Variants in CRYBA4 observed in about 807,000 individuals in gnomAD.
The protein encoded by CRYBA4 is beta-crystallin A4.
A neutral mutation model predicts 31.7 loss-of-function variants in CRYBA4; 30 were observed. The observed-to-expected ratio is 0.95, with a 90% CI of 0.71 to 1.28. CRYBA4 has a LOEUF of 1.28. Among genes scored for constraint, CRYBA4 ranks in the 50% most tolerant of loss-of-function variants. The pLI is 0.00. For synonymous variants in CRYBA4, 102 were observed against 102.3 expected (o/e 1.00, Z 0.02); for missense variants, 225 against 260.7 (o/e 0.86, Z 0.94).
the CRYBA4 span, among the ~76,000 whole-genome samples, chr22:26,612,824 G>A: frequency 1.4e-4 from 21 of 152,138 alleles, no homozygotes; most frequent in African/African-American, 5.1e-4. Context: ...ATTCCAGCTC[G>A]TTATTCTGTT....
upstream of CRYBA4, among the ~76,000 whole-genome samples, chr22:26,618,930 G>A (rs545663127): frequency 2.6e-5 from 4 of 152,164 alleles, no homozygotes; most frequent in African/African-American, 4.8e-5. Context: ...CCCAGGCCAC[G>A]TTATCTGACC....
the CRYBA4 span, among the ~76,000 whole-genome samples, chr22:26,597,948 A>C: frequency 6.6e-6 from 1 of 151,978 alleles, no homozygotes; most frequent in African/African-American, 2.4e-5. Context: ...CAGTGGCGCA[A>C]TCTTGGCTCA....
At chr22:26,611,469 G>GTTTT in the CRYBA4 span, among the ~76,000 whole-genome samples, 1 of 133,314 alleles carries the variant, frequency 7.5e-6, no homozygotes, top group African/African-American at 2.8e-5. Context: ...TTTTTTTTTT[G>GTTTT]TTTTTTTTTT....
the CRYBA4 span, among the ~76,000 whole-genome samples, chr22:26,611,875 C>A: frequency 1.3e-5 from 2 of 152,116 alleles, no homozygotes; most frequent in Non-Finnish European, 2.9e-5. Context: ...CCTCTCCGAG[C>A]CTCAGTTTCC....
chr22:26,593,409 G>A, the CRYBA4 span, among the ~76,000 whole-genome samples: 1 of 152,034 alleles, frequency 6.6e-6, no homozygotes, highest in East Asian at 1.9e-4. Context: ...AGGCTGAAGA[G>A]GGAGGATAGC....
At position 26,625,551 on chromosome 22, in the gene CRYBA4, T is replaced by C; in HGVS notation, c.229T>C (p.Trp77Arg). 6.2e-7 allele frequency: 1 copy of C among 1,614,030 alleles called. No individual in the cohort carries two copies. Among genetic ancestry groups the C allele is most frequent in the African/African-American group, 1.3e-5 (1 of 75,056 alleles). Reference protein sequence around the residue: ...YILERGEYPSWDAWGGNTAYP... With the variant: ...YILERGEYPSRDAWGGNTAYP... ...TCTGGAACGAGGCGAATATCCAAGC[T>C]GGGATGCCTGGGGCGGCAACACGGC... Residue 77 changes from tryptophan to arginine, a missense_variant, in exon 4 of 6, where the codon TGG (tryptophan) becomes CGG (arginine). By Grantham distance (101) the Trp-to-Arg change is moderately radical. Coordinates refer to ENST00000354760, the MANE Select transcript of CRYBA4 (RefSeq NM_001886.3).
chr22:26,605,775 A>G, the CRYBA4 span, among the ~76,000 whole-genome samples: 5 of 149,328 alleles, frequency 3.3e-5, no homozygotes, highest in African/African-American at 1.2e-4. Flanking sequence ...TTTTGAAAAG[A>G]TCCCTCTAAC....
intron 3 of CRYBA4, 114 bp from the exon 4 acceptor site, chr22:26,625,367 G>A: frequency 2.4e-6 from 3 of 1,237,866 alleles, no homozygotes; most frequent in Non-Finnish European, 3.4e-6. Context: ...GTTTCCTGGG[G>A]GCACAGTCAC....
the CRYBA4 span, among the ~76,000 whole-genome samples, chr22:26,599,033 G>A: frequency 1.3e-5 from 2 of 152,150 alleles, no homozygotes; most frequent in African/African-American, 2.4e-5. Flanking sequence ...TCTTCATAAT[G>A]AGTAAGGCCA....
At chr22:26,628,123 G>A (rs1929807099) in intron 4 of CRYBA4, among the ~76,000 whole-genome samples, 165 bp from the exon 5 acceptor site, 1 of 152,088 alleles carries the variant, frequency 6.6e-6, no homozygotes, top group Non-Finnish European at 1.5e-5. Context: ...ATTTCTGGAA[G>A]GGCAAATGGC....
chr22:26,614,482 G>A, the CRYBA4 span, among the ~76,000 whole-genome samples: 2 of 152,124 alleles, frequency 1.3e-5, no homozygotes, highest in South Asian at 2.1e-4. Flanking sequence ...GGATAAGAAC[G>A]TCCAAGCCAT....
chr22:26,627,430 C>CTTTCTT (rs1929764259), intron 4 of CRYBA4, among the ~76,000 whole-genome samples: 12 of 91,228 alleles, frequency 1.3e-4, no homozygotes, highest in Non-Finnish European at 2.2e-4. Context: ...CTTTCTTTTT[C>CTTTCTT]TTTCTTTCTT....
the CRYBA4 span, among the ~76,000 whole-genome samples, chr22:26,609,397 AATGGGTGGATGG>A: frequency 7.2e-4 from 109 of 152,218 alleles, 2 homozygotes; most frequent in East Asian, 0.015. Context: ...TGGACAGATG[AATGGGTGGATGG>A]ATGGGTGGAT....
the CRYBA4 span, among the ~76,000 whole-genome samples, chr22:26,598,340 C>T: frequency 6.6e-6 from 1 of 151,874 alleles, no homozygotes; most frequent in African/African-American, 2.4e-5. Context: ...CTTTCTCTCT[C>T]TCTCCTTTCC....
chr22:26,601,849 G>A, the CRYBA4 span: 3 of 1,611,470 alleles, frequency 1.9e-6, no homozygotes, highest in South Asian at 2.2e-5. Context: ...TTGAAGCAGG[G>A]GACGCGGACC....
the CRYBA4 span, among the ~76,000 whole-genome samples, chr22:26,594,617 G>A: frequency 1.8e-4 from 27 of 152,264 alleles, no homozygotes; most frequent in South Asian, 2.3e-3. Context: ...CTTGAACCCG[G>A]GAGGTGGAGG....
the CRYBA4 span, among the ~76,000 whole-genome samples, chr22:26,606,714 A>G: frequency 2.0e-5 from 3 of 152,250 alleles, no homozygotes; most frequent in East Asian, 5.8e-4. Context: ...GGTGATGTCA[A>G]AACAGCTGGT....
chr22:26,603,567 C>T, the CRYBA4 span, among the ~76,000 whole-genome samples: 2 of 151,234 alleles, frequency 1.3e-5, no homozygotes, highest in Non-Finnish European at 2.9e-5. Flanking sequence ...ACTATTGCTT[C>T]GTGGGATTGT....
upstream of CRYBA4, among the ~76,000 whole-genome samples, chr22:26,621,635 G>C (rs945974731): frequency 2.0e-5 from 3 of 152,212 alleles, no homozygotes; most frequent in Non-Finnish European, 4.4e-5. Context: ...AAATTGAGGG[G>C]AAATGACTCG....
Sources: allele counts gnomAD v4.1 joint callset (sites outside exome capture counted in the v4.1 genomes callset), GRCh38; gene constraint gnomAD v4.1.1; transcripts MANE v1.5; gene names NCBI Gene and HGNC (gene_info 2026-07-23, HGNC 2026-07-21).